LRP5: variants seen among roughly 807,000 people sequenced by gnomAD.
The protein encoded by LRP5 is LDL receptor related protein 5, also known as low-density lipoprotein receptor-related protein 5.
LRP5 carries 62 observed loss-of-function variants against 154.1 expected under a neutral mutation model. The observed-to-expected ratio is 0.40, with a 90% CI of 0.33 to 0.50. The LOEUF (loss-of-function observed/expected upper bound fraction) is 0.50. Ranked by LOEUF, LRP5 falls within the 20% of genes least tolerant of loss-of-function variation. The pLI is 0.55. For missense variants in LRP5, 1,915 were observed against 2,336.7 expected (o/e 0.82, Z 3.72); for synonymous variants, 966 against 1,011.5 (o/e 0.96, Z 0.85).
At chr11:68,369,143 C>T (rs1330497652) in intron 5 of LRP5, among the ~76,000 whole-genome samples, 2 of 152,196 alleles carry the variant, frequency 1.3e-5, no homozygotes, top group Non-Finnish European at 2.9e-5. Flanking sequence ...TGGCCTATGC[C>T]TGAACAATAT....
chr11:68,416,454 A>T lies in LRP5; in HGVS notation c.2954A>T (p.Asp985Val). The T allele has an allele frequency of 6.2e-7, 1 of 1,614,124 alleles. No homozygotes were observed. The highest frequency in any genetic ancestry group is 8.5e-7 in the Non-Finnish European group (1 of 1,180,034). ...GLRNVKAIDY[D>V]PLDKFIYWVD... ...AGGAACGTCAAAGCCATCGACTATG[A>T]CCCACTGGACAAGTTCATCTACTGG... is the stretch of plus-strand genomic sequence containing the variant. The change falls in exon 13 of 23, where the codon GAC becomes GTC. Residue 985 changes from aspartate to valine, a missense_variant. Transcript: ENST00000294304.
At chr11:68,356,080 G>A (rs988330251) in intron 2 of LRP5, among the ~76,000 whole-genome samples, 11 of 150,496 alleles carry the variant, frequency 7.3e-5, no homozygotes, top group Non-Finnish European at 1.3e-4. Context: ...TCCTGACCTC[G>A]TGATCCGCCC....
chr11:68,417,366 G>C (rs990384332), intron 13 of LRP5, among the ~76,000 whole-genome samples: 7 of 150,940 alleles, frequency 4.6e-5, no homozygotes, highest in Non-Finnish European at 1.0e-4. Context: ...AATGTTTCTC[G>C]TGGAGGAAAT....
At chr11:68,387,653 C>T (rs2098643786) in intron 6 of LRP5, among the ~76,000 whole-genome samples, 1 of 152,212 alleles carries the variant, frequency 6.6e-6, no homozygotes, top group African/African-American at 2.4e-5. Context: ...TGAGACCCGC[C>T]CCAGCGGCTC....
In LRP5 at chr11:68,386,310, C is replaced by T; in HGVS notation, c.1016-6C>T. 6.2e-7 allele frequency: 1 copy of T among 1,611,070 alleles called. No individual in the cohort carries two copies. The highest frequency in any genetic ancestry group is 1.1e-5 in the South Asian group (1 of 91,086). On this transcript the variant is annotated splice_region_variant and splice_polypyrimidine_tract_variant and intron_variant, in intron 5 of 22. Coordinates refer to ENST00000294304, the MANE Select transcript of LRP5 (RefSeq NM_002335.4). The surrounding 1 kb of genome is among the most constrained non-coding windows in gnomAD (Gnocchi z 7.9). ...ACCCCTGACCCCATTGCACCTGTCT[C>T]CACAGGAGCCGAGGAGGTGCTGCTG...
intron 5 of LRP5, among the ~76,000 whole-genome samples, chr11:68,381,559 G>T (rs990154527): frequency 6.6e-6 from 1 of 152,168 alleles, no homozygotes. Flanking sequence ...TCCTGCATGC[G>T]TGCAGGGAGG....
chr11:68,395,222 A>G (rs2098648579), intron 7 of LRP5, among the ~76,000 whole-genome samples: 1 of 148,770 alleles, frequency 6.7e-6, no homozygotes, highest in Admixed American at 6.9e-5. Context: ...AATTGCTTAA[A>G]CCTGGGAGGC....
chr11:68,316,908 C>T (rs140308983), intron 1 of LRP5, among the ~76,000 whole-genome samples: 6 of 152,364 alleles, frequency 3.9e-5, no homozygotes, highest in African/African-American at 1.4e-4. Context: ...AGCCGGACAT[C>T]TGTGGTTTGT....
chr11:68,329,581 G>A (rs312023), intron 1 of LRP5, among the ~76,000 whole-genome samples: 69,630 of 152,124 alleles, frequency 0.46, 19,474 homozygotes, highest in South Asian at 0.81. Context: ...ACCTCAGCCT[G>A]CCCATTTAAT....
rs60028379 is a variant in LRP5 at position 68,333,122 on chromosome 11, AG to A, written c.92-14724del. ...GTCATCGTAGCTGCATGAGGGTTTG[AG>A]TGGCCACCGCCACCCCAGTAGGAGA... On this transcript the variant is annotated intron_variant, in intron 1 of 22. Transcript: ENST00000294304. 4.3e-3 allele frequency among the ~76,000 whole-genome samples: 657 copies of A among 152,310 alleles called. 5 individuals are homozygous for A. The highest frequency in any genetic ancestry group is 0.015 in the African/African-American group (623 of 41,558).
chr11:68,313,128 G>A (rs2098589891), intron 1 of LRP5, among the ~76,000 whole-genome samples: 1 of 150,058 alleles, frequency 6.7e-6, no homozygotes, highest in Admixed American at 6.6e-5. Flanking sequence ...GCCCGCGCTG[G>A]GCCCGTGTGG....
chr11:68,360,740 G>A (rs1038882490), intron 3 of LRP5, among the ~76,000 whole-genome samples: 17 of 152,208 alleles, frequency 1.1e-4, no homozygotes, highest in Middle Eastern at 6.3e-3. Flanking sequence ...GCTTACGCGT[G>A]TAATCCCAGC....
At position 68,416,510 on chromosome 11, in the gene LRP5, A is replaced by G. The variant is rs2098662629; in HGVS notation, c.3010A>G (p.Lys1004Glu). The change falls in exon 13 of 23, where the codon AAG (lysine) becomes GAG (glutamate). Residue 1004 changes from lysine (K) to glutamate (E), a missense_variant. By Grantham distance (56) the Lys-to-Glu change is moderately conservative. Transcript: ENST00000294304. The part of the protein sequence containing the change: ...VDGRQNIKRA[K>E]DDGTQPFVLT... Reference sequence around the variant, plus strand: ...TGGGCGCCAGAACATCAAGCGAGCCAAGGACGACGGGACCCAGGCAGGTGC... The same window carrying G: ...TGGGCGCCAGAACATCAAGCGAGCCGAGGACGACGGGACCCAGGCAGGTGC... 1 of 1,613,788 alleles carries G rather than the reference A, an allele frequency of 6.2e-7. No homozygotes were observed. The highest frequency in any genetic ancestry group is 8.5e-7 in the Non-Finnish European group (1 of 1,180,040).
rs868813391 is a variant in LRP5, at chr11:68,353,007, G to A, written c.489-4643G>A. 1.3e-5 allele frequency among the ~76,000 whole-genome samples: 2 copies of A among 152,272 alleles called. No homozygotes were observed. Among genetic ancestry groups the A allele is most frequent in the Middle Eastern group, 3.4e-3 (1 of 294 alleles). On this transcript the variant is annotated intron_variant, in intron 2 of 22. Transcript: ENST00000294304. This position sits in a 1 kb window ranked among gnomAD's most constrained non-coding sequence, Gnocchi z 4.5. ...TTGATTGGGAGGTGCTTGGCATTTGGTTGGGAGGTACTTGGTGCTTGGTTG... is the reference window on the plus strand; with the variant it reads ...TTGATTGGGAGGTGCTTGGCATTTGATTGGGAGGTACTTGGTGCTTGGTTG...
intron 21 of LRP5, 30 bp downstream of exon 21, chr11:68,439,946 C>T (rs995478438): frequency 5.4e-5 from 24 of 448,390 alleles, no homozygotes; most frequent in African/African-American, 1.2e-4. Flanking sequence ...AGGGGCGGGG[C>T]GGGATGGGGC....
At chr11:68,373,957 G>A (rs955132639) in intron 5 of LRP5, among the ~76,000 whole-genome samples, 11 of 152,302 alleles carry the variant, frequency 7.2e-5, no homozygotes, top group East Asian at 1.9e-4. Context: ...TGCCCTGGCC[G>A]GTGGCTCTCA....
At chr11:68,412,474 C>G (rs186694099) in intron 11 of LRP5, among the ~76,000 whole-genome samples, 1 of 151,840 alleles carries the variant, frequency 6.6e-6, no homozygotes, top group East Asian at 1.9e-4. Context: ...GACGCCATCT[C>G]TACAAAAAAA....
chr11:68,408,011 TC>T (rs894109412), intron 9 of LRP5, among the ~76,000 whole-genome samples: 16 of 152,338 alleles, frequency 1.1e-4, no homozygotes, highest in African/African-American at 3.4e-4. Context: ...TGACCTCTGT[TC>T]TAAAGTATTG....
intron 16 of LRP5, among the ~76,000 whole-genome samples, chr11:68,429,150 G>C (rs2098670554): frequency 6.7e-6 from 1 of 150,358 alleles, no homozygotes; most frequent in South Asian, 2.1e-4. Flanking sequence ...CTACTCAAGA[G>C]GCTGAGGCAG....
Sources: allele counts gnomAD v4.1 joint callset (sites outside exome capture counted in the v4.1 genomes callset), GRCh38; gene constraint gnomAD v4.1.1; non-coding constraint Gnocchi (gnomAD v3.1); transcripts MANE v1.5; gene names NCBI Gene and HGNC (gene_info 2026-07-23, HGNC 2026-07-21).